OPHN1: variants seen among roughly 807,000 people sequenced by gnomAD.
The protein encoded by OPHN1 is oligophrenin-1.
In OPHN1, 11 loss-of-function variants were observed where a neutral mutation model predicts 60.7. The ratio of observed to expected loss-of-function variants is 0.18; its 90% CI spans 0.11 to 0.30. The LOEUF (loss-of-function observed/expected upper bound fraction) is 0.30. Ranked by LOEUF, OPHN1 falls within the 10% of genes least tolerant of loss-of-function variation. The probability of loss-of-function intolerance (pLI) is 1.00; values close to 1 mark genes in which losing one functional copy is unlikely to be tolerated. For missense variants in OPHN1, 449 were observed against 611.0 expected (o/e 0.73, Z 2.80); for synonymous variants, 226 against 222.6 (o/e 1.02, Z -0.14).
chrX:68,329,668 TGGGGATCC>T (rs1367377575), intron 2 of OPHN1, among the ~76,000 whole-genome samples: 1 of 112,133 alleles, frequency 8.9e-6, no homozygotes, highest in African/African-American at 3.2e-5. Context: ...CTTAAGGACC[TGGGGATCC>T]ATCTCTTTGA....
At chrX:68,097,128 T>C in intron 18 of OPHN1, 99 bp from the exon 19 acceptor site, 1 of 802,515 alleles carries the variant, frequency 1.2e-6, no homozygotes. Flanking sequence ...GAAACTAAAA[T>C]GTAGAAGGAA....
intron 19 of OPHN1, among the ~76,000 whole-genome samples, chrX:68,074,321 C>T (rs772650193): frequency 4.5e-5 from 5 of 111,433 alleles, no homozygotes; most frequent in Non-Finnish European, 9.4e-5. Context: ...AATCACAAAC[C>T]GTGAGTATAT....
intron 23 of OPHN1, among the ~76,000 whole-genome samples, chrX:68,048,674 G>A (rs2076840475): frequency 8.9e-6 from 1 of 112,146 alleles, no homozygotes; most frequent in Non-Finnish European, 1.9e-5. Flanking sequence ...TCTTTCAGGT[G>A]CCAGAACAAT....
intron 2 of OPHN1, among the ~76,000 whole-genome samples, chrX:68,380,530 T>A (rs1474962417): frequency 2.7e-5 from 3 of 111,812 alleles, no homozygotes; most frequent in Admixed American, 9.6e-5. Flanking sequence ...TTAGGGTTTC[T>A]ATTTTGGATC....
At chrX:68,067,585 A>G (rs974200611) in intron 20 of OPHN1, among the ~76,000 whole-genome samples, 1 of 111,136 alleles carries the variant, frequency 9.0e-6, no homozygotes, top group African/African-American at 3.3e-5. Flanking sequence ...GCTCGTTCCA[A>G]TGAAAAGTAG....
At chrX:68,313,437 A>G (rs1303405513) in intron 2 of OPHN1, among the ~76,000 whole-genome samples, 2 of 112,209 alleles carry the variant, frequency 1.8e-5, no homozygotes, top group Non-Finnish European at 3.8e-5. Context: ...TGGTACATAT[A>G]CCACGTCATT....
At chrX:68,100,154 C>T (rs2077052057) in intron 18 of OPHN1, among the ~76,000 whole-genome samples, 1 of 111,076 alleles carries the variant, frequency 9.0e-6, no homozygotes, top group African/African-American at 3.3e-5. Flanking sequence ...GTAGTGCTCT[C>T]GAAAATAATT....
At chrX:68,284,066 T>C (rs2078030181) in intron 3 of OPHN1, among the ~76,000 whole-genome samples, 3 of 111,958 alleles carry the variant, frequency 2.7e-5, no homozygotes, top group African/African-American at 9.7e-5. Flanking sequence ...GAAATGTTTA[T>C]TGACCTTCTG....
chrX:68,224,588 T>C lies in OPHN1; in HGVS notation c.486+9899A>G, dbSNP rs1257025903. ...TAATATTTGTGGGCAACAAAAGCAG[T>C]GCTTAGAGAAATATTTATAGAATGA... On this transcript the variant is annotated intron_variant, in intron 6 of 24. Coordinates refer to ENST00000355520, the MANE Select transcript of OPHN1 (RefSeq NM_002547.3). Among the ~76,000 whole-genome samples, 9 of 111,834 alleles carry C rather than the reference T, an allele frequency of 8.0e-5. No homozygotes were observed. In the Admixed American group the frequency reaches 8.6e-4, roughly 11 times the overall value.
At chrX:68,229,751 C>A (rs1322226849) in intron 6 of OPHN1, among the ~76,000 whole-genome samples, 3 of 112,277 alleles carry the variant, frequency 2.7e-5, no homozygotes, top group Non-Finnish European at 5.6e-5. Flanking sequence ...ACACCTTATA[C>A]AAAAATTAAT....
chrX:68,161,109 C>T (rs1372304215), intron 15 of OPHN1, among the ~76,000 whole-genome samples: 1 of 110,552 alleles, frequency 9.0e-6, no homozygotes, highest in Non-Finnish European at 1.9e-5. Context: ...GATATACCAA[C>T]TGTATGACAC....
chrX:68,227,471 A>G (rs1202999343), intron 6 of OPHN1, among the ~76,000 whole-genome samples: 2 of 111,310 alleles, frequency 1.8e-5, no homozygotes, highest in Non-Finnish European at 1.9e-5. Context: ...TCAGCACCAC[A>G]TCGCACTTAT....
chrX:68,084,475 C>T (rs777193331), intron 19 of OPHN1, among the ~76,000 whole-genome samples: 3 of 108,825 alleles, frequency 2.8e-5, no homozygotes, highest in Admixed American at 9.7e-5. Context: ...ATTTTCAGAC[C>T]GGAGCAATAG....
At chrX:68,094,288 G>A (rs780055907) in intron 19 of OPHN1, among the ~76,000 whole-genome samples, 119 of 111,198 alleles carry the variant, frequency 1.1e-3, no homozygotes, top group African/African-American at 3.1e-3. Flanking sequence ...AGGACTTATC[G>A]GGTTACCTCT....
chrX:68,208,756 C>G (rs1428973694), intron 9 of OPHN1, among the ~76,000 whole-genome samples: 2 of 111,745 alleles, frequency 1.8e-5, no homozygotes, highest in Non-Finnish European at 3.8e-5. Context: ...ATTTGGCCTC[C>G]CAGGGGACAT....
At chrX:68,245,557 G>A (rs2077801641) in intron 5 of OPHN1, among the ~76,000 whole-genome samples, 1 of 111,552 alleles carries the variant, frequency 9.0e-6, no homozygotes, top group Non-Finnish European at 1.9e-5. Flanking sequence ...CAATGAGACA[G>A]GGTAGATTAA....
At chrX:68,211,776 G>A (rs1288580813) in intron 8 of OPHN1, among the ~76,000 whole-genome samples, 2 of 112,308 alleles carry the variant, frequency 1.8e-5, no homozygotes, top group Non-Finnish European at 3.7e-5. Flanking sequence ...GAGCAGGGAA[G>A]TAGCTTAAGG....
At chrX:68,192,015 A>G (rs1320661723) in intron 15 of OPHN1, among the ~76,000 whole-genome samples, 1 of 111,862 alleles carries the variant, frequency 8.9e-6, no homozygotes, top group African/African-American at 3.3e-5. Context: ...AATAAAGATT[A>G]CAAGAAATGT....
At chrX:68,280,732 A>G (rs774633853) in intron 4 of OPHN1, among the ~76,000 whole-genome samples, 1 of 111,714 alleles carries the variant, frequency 9.0e-6, no homozygotes, top group East Asian at 2.8e-4. Flanking sequence ...TAAGTCTGGG[A>G]TGGGTACAAG....
Sources: gnomAD v4.1 joint callset for allele counts (sites outside exome capture counted in the v4.1 genomes callset) on GRCh38, gnomAD v4.1.1 for gene constraint, MANE v1.5 for transcripts, NCBI Gene and HGNC (gene_info 2026-07-23, HGNC 2026-07-21) for gene names.